Variants in ARHGEF12 observed in about 807,000 individuals in gnomAD.
The protein encoded by ARHGEF12 is Rho guanine nucleotide exchange factor 12.
ARHGEF12 carries 66 observed loss-of-function variants against 211.2 expected under a neutral mutation model. That is an observed-to-expected ratio of 0.31 (90% CI 0.26 to 0.38). The LOEUF (loss-of-function observed/expected upper bound fraction) is 0.38, where lower values mean the gene tolerates loss of function less well. Ranked by LOEUF, ARHGEF12 falls within the 10% of genes least tolerant of loss-of-function variation. The probability of loss-of-function intolerance (pLI) is 1.00; values close to 1 mark genes in which losing one functional copy is unlikely to be tolerated. For missense variants in ARHGEF12, 1,429 were observed against 1,869.5 expected, an observed-to-expected ratio of 0.76 and a Z score of 4.34; for synonymous variants, 592 against 638.4, an observed-to-expected ratio of 0.93 and a Z score of 1.09.
intron 25 of ARHGEF12, 124 bp downstream of exon 25, chr11:120,458,358 AATTAAACTGGACAGATAATC>A (rs1946426444): frequency 9.4e-7 from 1 of 1,059,056 alleles, no homozygotes; most frequent in Non-Finnish European, 1.4e-6. Flanking sequence ...ACAAAGAGGA[AATTAAACTGGACAGATAATC>A]CTTGAACTCA....
intron 21 of ARHGEF12, chr11:120,451,003 T>A (rs1338052352): frequency 6.6e-6 from 1 of 152,500 alleles, no homozygotes; most frequent in Admixed American, 6.6e-5. Flanking sequence ...TCTACCTTCC[T>A]CTCCCTTTCT....
At chr11:120,362,055 C>T (rs1319688472) in intron 1 of ARHGEF12, among the ~76,000 whole-genome samples, 3 of 152,138 alleles carry the variant, frequency 2.0e-5, no homozygotes, top group African/African-American at 4.8e-5. Context: ...AATGATAGTG[C>T]TAGAGATGCT....
At position 120,347,147 on chromosome 11, in the gene ARHGEF12, C is replaced by CTTTCTTTCTTT. The variant is rs1491449720; in HGVS notation, c.32+9872_32+9873insTTTCTTTCTTT. 3.0e-3 allele frequency among the ~76,000 whole-genome samples: 141 copies of CTTTCTTTCTTT among 46,580 alleles called. 5 individuals carry two copies. Among genetic ancestry groups the CTTTCTTTCTTT allele is most frequent in the Non-Finnish European group, 3.4e-3 (94 of 27,728 alleles). The allele number at this position is 46,580 out of a possible 152,430, so 30.6% of individuals were successfully genotyped here. A position where few individuals can be genotyped will look rare whatever the true frequency, so the allele number is the denominator to read the frequency against. ...TCTTTCTTTCTTTCCTTCCTTCCTT[C>CTTTCTTTCTTT]CTTCCTTCCTTCCTTCCTTCCTTCC... is the stretch of plus-strand genomic sequence containing the variant. On this transcript the variant is annotated intron_variant, in intron 1 of 40. Transcript: ENST00000397843.
chr11:120,431,718 A>G (rs1213476055), intron 10 of ARHGEF12, 53 bp from the exon 11 acceptor site: 2 of 1,492,790 alleles, frequency 1.3e-6, no homozygotes, highest in South Asian at 1.4e-5. Context: ...GCAAGTAATG[A>G]AAGTTTTCTT....
intron 1 of ARHGEF12, among the ~76,000 whole-genome samples, chr11:120,383,342 C>T (rs1002646280): frequency 2.0e-5 from 3 of 151,806 alleles, no homozygotes; most frequent in African/African-American, 4.8e-5. Context: ...GGAGGGTGTT[C>T]GGGGGAGGGC....
chr11:120,398,709 G>C (rs1464897250), intron 1 of ARHGEF12, among the ~76,000 whole-genome samples: 1 of 152,090 alleles, frequency 6.6e-6, no homozygotes, highest in Non-Finnish European at 1.5e-5. Flanking sequence ...TACAGCATTT[G>C]TTATAACTAT....
chr11:120,428,582 G>A (rs1945426545), intron 8 of ARHGEF12, among the ~76,000 whole-genome samples: 2 of 152,254 alleles, frequency 1.3e-5, no homozygotes, highest in Admixed American at 1.3e-4. Context: ...TACGTTTCCA[G>A]TACCTGAAAT....
intron 1 of ARHGEF12, among the ~76,000 whole-genome samples, chr11:120,366,978 T>A (rs1160583387): frequency 6.6e-6 from 1 of 151,814 alleles, no homozygotes; most frequent in Non-Finnish European, 1.5e-5. Flanking sequence ...ATTGTGTCAC[T>A]GCACTCCAGC....
chr11:120,363,544 G>A (rs549476515), intron 1 of ARHGEF12, among the ~76,000 whole-genome samples: 1 of 152,280 alleles, frequency 6.6e-6, no homozygotes, highest in Non-Finnish European at 1.5e-5. Context: ...CCTTTGGAAA[G>A]GAATGTTACC....
At chr11:120,441,013 G>A (rs1000227657) in intron 13 of ARHGEF12, among the ~76,000 whole-genome samples, 16 of 152,058 alleles carry the variant, frequency 1.1e-4, no homozygotes, top group African/African-American at 1.9e-4. Flanking sequence ...AACTAGTCTC[G>A]CATTCCTGGA....
At chr11:120,347,183 C>CCTTTCTTTCTTTCT in intron 1 of ARHGEF12, among the ~76,000 whole-genome samples, 1 of 100,322 alleles carries the variant, frequency 1.0e-5, no homozygotes, top group East Asian at 2.8e-4. Context: ...TTCCTTCCTT[C>CCTTTCTTTCTTTCT]CTTTCTTTCT....
intron 1 of ARHGEF12, among the ~76,000 whole-genome samples, chr11:120,351,444 TATATATATA>T (rs1565420810): frequency 1.2e-3 from 5 of 4,040 alleles, no homozygotes; most frequent in East Asian, 6.3e-3. Flanking sequence ...TATATATATA[TATATATATA>T]TATTTTTTTT....
chr11:120,448,145 C>A (rs1946099711), intron 19 of ARHGEF12, 89 bp from the exon 20 acceptor site: 1 of 1,002,386 alleles, frequency 1.0e-6, no homozygotes, highest in Non-Finnish European at 1.5e-6. Context: ...ATAATTCCAA[C>A]CTTGGGGTTT....
At chr11:120,402,637 TA>T (rs1944576381) in intron 1 of ARHGEF12, among the ~76,000 whole-genome samples, 1 of 152,126 alleles carries the variant, frequency 6.6e-6, no homozygotes, top group African/African-American at 2.4e-5. Context: ...TGCTCCTTTA[TA>T]ACTAAGCCCA....
chr11:120,463,545 A>C (rs1159941130), intron 27 of ARHGEF12: 7 of 146,870 alleles, frequency 4.8e-5, no homozygotes, highest in East Asian at 3.9e-4. Flanking sequence ...AAAAAAAAAA[A>C]ACCAAAAAAA....
rs369522237 is a variant in ARHGEF12 at position 120,440,752 on chromosome 11, A to G, written c.1092+531A>G. On this transcript the variant is annotated intron_variant, in intron 13 of 40. Coordinates refer to ENST00000397843, the MANE Select transcript of ARHGEF12 (RefSeq NM_015313.3). ...CACTATGAGGTTGAATCAGAGTGAC[A>G]AGACATGCTTGCCTTATTCCTGCTA... is the stretch of plus-strand genomic sequence containing the variant. 4.9e-4 allele frequency among the ~76,000 whole-genome samples: 75 copies of G among 152,254 alleles called. No homozygotes were observed. In the East Asian group the frequency reaches 7.3e-3, roughly 15 times the overall value.
chr11:120,432,535 G>A (rs1211465371), intron 11 of ARHGEF12, among the ~76,000 whole-genome samples: 1 of 152,150 alleles, frequency 6.6e-6, no homozygotes. Context: ...GTATGCAGTG[G>A]TAGGAATAAT....
chr11:120,396,283 G>C (rs1944380194), intron 1 of ARHGEF12, among the ~76,000 whole-genome samples: 1 of 152,118 alleles, frequency 6.6e-6, no homozygotes, highest in Non-Finnish European at 1.5e-5. Context: ...TTCCTTACAG[G>C]AAAATTTCAA....
At chr11:120,483,364 G>A (rs537930275) in intron 39 of ARHGEF12, among the ~76,000 whole-genome samples, 33 of 143,752 alleles carry the variant, frequency 2.3e-4, no homozygotes, top group African/African-American at 7.4e-4. Context: ...AGGTTCAAGC[G>A]ATTCTCCTGC....
Sources: allele counts gnomAD v4.1 joint callset (sites outside exome capture counted in the v4.1 genomes callset), GRCh38; gene constraint gnomAD v4.1.1; transcripts MANE v1.5; gene names NCBI Gene and HGNC (gene_info 2026-07-23, HGNC 2026-07-21).